The following PDZD2 variants were observed in gnomAD, a reference collection of about 807,000 sequenced individuals.
PDZD2 encodes PDZ domain containing 2.
PDZD2 carries 90 observed loss-of-function variants against 220.7 expected under a neutral mutation model. That is an observed-to-expected ratio of 0.41 (90% CI 0.34 to 0.49). The LOEUF (loss-of-function observed/expected upper bound fraction) is 0.49, where lower values mean the gene tolerates loss of function less well. Ranked by LOEUF, PDZD2 falls within the 20% of genes least tolerant of loss-of-function variation. The pLI is 0.28. For missense variants in PDZD2, 3,174 were observed against 3,608.5 expected (o/e 0.88, Z 3.08); for synonymous variants, 1,375 against 1,450.5 (o/e 0.95, Z 1.18).
intron 1 of PDZD2, among the ~76,000 whole-genome samples, chr5:31,739,484 T>C (rs569921627): frequency 4.5e-4 from 68 of 152,282 alleles, no homozygotes; most frequent in African/African-American, 1.6e-3. Flanking sequence ...TGAAGAATGA[T>C]AATTATATGA....
chr5:32,062,479 G>A lies in PDZD2; in HGVS notation c.2451+1345G>A, dbSNP rs546337342. Among the ~76,000 whole-genome samples the A allele has an allele frequency of 5.4e-5, 8 of 149,004 alleles. No individual in the cohort carries two copies. The South Asian group carries it at 1.3e-3, about 24-fold the overall frequency. On this transcript the variant is annotated intron_variant, in intron 14 of 24. Coordinates refer to ENST00000438447, the MANE Select transcript of PDZD2 (RefSeq NM_178140.4). ...CACAATCATGGCTCACTGCAACCTC[G>A]ACTTCCCGGGTTCCAGCGATCCTCC...
At chr5:32,038,226 G>C (rs1234306248) in intron 7 of PDZD2, among the ~76,000 whole-genome samples, 1 of 148,520 alleles carries the variant, frequency 6.7e-6, no homozygotes, top group Admixed American at 6.7e-5. Flanking sequence ...TTATGGCTGT[G>C]TTGGTATAAA....
chr5:32,087,699 G>T lies in PDZD2; in HGVS notation c.4251G>T (p.Gly1417=), dbSNP rs1418195582. Residue 1417 remains glycine, a synonymous_variant, in exon 20 of 25, where the codon GGG becomes GGT. Transcript: ENST00000438447. The surrounding 1 kb of genome is among the most constrained non-coding windows in gnomAD (Gnocchi z 4.0). ...ATGTCTCGGGGCACTGCTGCCCAGG[G>T]GGGAGTAGAGAGAGCCCTGTGACGG... The part of the protein sequence containing the change: ...CGHVSGHCCP[G]GSRESPVTDI... The T allele has an allele frequency of 1.2e-6, 2 of 1,614,096 alleles. No individual in the cohort carries two copies. The highest frequency in any genetic ancestry group is 2.7e-5 in the African/African-American group (2 of 75,070).
rs551213304 is a variant in PDZD2, at chr5:31,690,503, A to C, written c.-361+51066A>C. Among the ~76,000 whole-genome samples, 10 of 152,260 alleles carry C rather than the reference A, an allele frequency of 6.6e-5. No homozygotes were observed. The South Asian group carries it at 2.1e-3, about 32-fold the overall frequency. ...CCAGTTCTGGAGGCCCAAAGTCTAA[A>C]ATAAAAGCTTTAGCAGAGACACGCT... is the stretch of plus-strand genomic sequence containing the variant. On this transcript the variant is annotated intron_variant, in intron 1 of 24. Transcript: ENST00000438447.
chr5:31,861,635 A>G (rs1737714257), intron 2 of PDZD2, among the ~76,000 whole-genome samples: 1 of 152,184 alleles, frequency 6.6e-6, no homozygotes, highest in Non-Finnish European at 1.5e-5. Flanking sequence ...CTGCTTTTAA[A>G]TGACACAGCA....
rs70957983 is a variant in PDZD2, at chr5:31,925,761, C to CAAA, written c.477-57384_477-57382dup. On this transcript the variant is annotated intron_variant, in intron 2 of 24. Transcript: ENST00000438447. The stretch of plus-strand genomic sequence containing the variant: ...TAAGAAACTTAAACTAGCCAACAAG[C>CAAA]AAAAAAAAAAAAGATAACCCATTTA... Among the ~76,000 whole-genome samples the CAAA allele has an allele frequency of 5.6e-4, 77 of 137,640 alleles. 4 individuals are homozygous for CAAA. The highest frequency in any genetic ancestry group is 6.1e-4 in the Non-Finnish European group (39 of 63,866). The allele number at this position is 137,640 out of a possible 152,430, so 90.3% of individuals were successfully genotyped here.
rs768229328 is a variant in PDZD2 at position 32,052,700 on chromosome 5, G to C, written c.1755G>C (p.Ser585=). The C allele has an allele frequency of 6.2e-7, 1 of 1,614,010 alleles. No individual in the cohort carries two copies. Among genetic ancestry groups the C allele is most frequent in the East Asian group, 2.2e-5 (1 of 44,886 alleles). The change falls in exon 9 of 25, where the codon TCG becomes TCC. Residue 585 remains serine (S), a synonymous_variant. Transcript: ENST00000438447. The part of the protein sequence containing the change: ...PWRLIRPSVI[S]IIGLYKEKGK... ...GGCTCATTCGGCCATCCGTCATCTC[G>C]ATCATTGGGTTGTACAAAGAAAAAG... is the stretch of plus-strand genomic sequence containing the variant.
At chr5:31,885,161 A>AG (rs1183453973) in intron 2 of PDZD2, among the ~76,000 whole-genome samples, 5 of 150,050 alleles carry the variant, frequency 3.3e-5, no homozygotes, top group Non-Finnish European at 7.4e-5. Flanking sequence ...CAAACGGCAA[A>AG]AAAAAAAAAA....
chr5:31,974,106 A>G (rs543111608), intron 2 of PDZD2, among the ~76,000 whole-genome samples: 1 of 152,262 alleles, frequency 6.6e-6, no homozygotes, highest in East Asian at 1.9e-4. Flanking sequence ...TCAGCCTCCC[A>G]AGTAGCTGGG....
chr5:31,673,213 C>G (rs1401821471), intron 1 of PDZD2, among the ~76,000 whole-genome samples: 1 of 152,228 alleles, frequency 6.6e-6, no homozygotes, highest in Non-Finnish European at 1.5e-5. Context: ...CCTCTGACCA[C>G]TGGTTCTGTG....
rs536041314 is a variant in PDZD2, at chr5:31,763,437, C to A, written c.-360-35452C>A. ...CACAAGAAATAAAGAAACTCATGAACCTCAACAAAATAACCACCTACCGCA... is the reference window on the plus strand; with the variant it reads ...CACAAGAAATAAAGAAACTCATGAAACTCAACAAAATAACCACCTACCGCA... On this transcript the variant is annotated intron_variant, in intron 1 of 24. Coordinates refer to ENST00000438447, the MANE Select transcript of PDZD2 (RefSeq NM_178140.4). Among the ~76,000 whole-genome samples, 58 of 152,282 alleles carry A rather than the reference C, an allele frequency of 3.8e-4. 4 individuals are homozygous for A. The South Asian group carries it at 0.012, about 31-fold the overall frequency.
chr5:32,041,341 C>T (rs1326689719), intron 7 of PDZD2, among the ~76,000 whole-genome samples: 15 of 150,842 alleles, frequency 9.9e-5, no homozygotes, highest in African/African-American at 2.2e-4. Flanking sequence ...CCAACAGCTC[C>T]GAAGAGACAG....
chr5:31,761,354 A>G (rs1434688477), intron 1 of PDZD2, among the ~76,000 whole-genome samples: 1 of 152,150 alleles, frequency 6.6e-6, no homozygotes, highest in African/African-American at 2.4e-5. Context: ...GCGGGAGTAG[A>G]GAAATAAAAA....
At chr5:31,855,141 C>G in intron 2 of PDZD2, 1 of 983,668 alleles carries the variant, frequency 1.0e-6, no homozygotes, top group Non-Finnish European at 1.2e-6. Flanking sequence ...CGGAGAGGAA[C>G]CCTCCGAAGG....
chr5:31,652,127 G>A (rs1431717775), intron 1 of PDZD2, among the ~76,000 whole-genome samples: 1 of 141,988 alleles, frequency 7.0e-6, no homozygotes, highest in African/African-American at 2.6e-5. Flanking sequence ...CACTGCGTCT[G>A]GCCTGGGTTT....
At position 32,021,001 on chromosome 5, in the gene PDZD2, C is replaced by CG. The variant is rs1554026671; in HGVS notation, c.1407+10525dup. On this transcript the variant is annotated intron_variant, in intron 6 of 24. Transcript: ENST00000438447. ...AGTTAGATAAATGGGCATTGGGTGCCGGGGGGAAAAAAACCCCACCTTACT... is the reference window on the plus strand; with the variant it reads ...AGTTAGATAAATGGGCATTGGGTGCCGGGGGGGAAAAAAACCCCACCTTACT... 1.5e-4 allele frequency among the ~76,000 whole-genome samples: 22 copies of CG among 150,426 alleles called. No individual in the cohort carries two copies. The East Asian group carries it at 3.1e-3, about 21-fold the overall frequency.
chr5:31,978,546 C>A (rs563593245), intron 2 of PDZD2, among the ~76,000 whole-genome samples: 16 of 151,832 alleles, frequency 1.1e-4, no homozygotes, highest in Non-Finnish European at 4.4e-5. Flanking sequence ...GGTGAAACCC[C>A]GTCTCTACTA....
chr5:32,061,018 C>G lies in PDZD2; in HGVS notation c.2335C>G (p.Leu779Val). ...CCTCCCTAGCCGCGGGGATCAAATCCTGGAAGTGAACTCCGTCAACGTCCG... is the reference window on the plus strand; with the variant it reads ...CCTCCCTAGCCGCGGGGATCAAATCGTGGAAGTGAACTCCGTCAACGTCCG... ...ESNLSRGDQI[L>V]EVNSVNVRHA... Residue 779 changes from leucine to valine, a missense_variant, in exon 14 of 25, where the codon CTG becomes GTG. By Grantham distance (32) the Leu-to-Val change is conservative. Around this residue, in one of 4 missense-constraint regions of PDZD2, gnomAD observed 1,861 missense variants for 2,001.0 expected, o/e 0.93. Coordinates refer to ENST00000438447, the MANE Select transcript of PDZD2 (RefSeq NM_178140.4). 6.2e-7 allele frequency: 1 copy of G among 1,614,162 alleles called. No homozygotes were observed. The highest frequency in any genetic ancestry group is 8.5e-7 in the Non-Finnish European group (1 of 1,180,006).
chr5:31,730,214 A>C (rs1240976847), intron 1 of PDZD2, among the ~76,000 whole-genome samples: 10 of 151,712 alleles, frequency 6.6e-5, no homozygotes, highest in Non-Finnish European at 1.2e-4. Flanking sequence ...AGGAGTAAAA[A>C]CTCTTCGTGC....
Sources: gnomAD v4.1 joint callset for allele counts (sites outside exome capture counted in the v4.1 genomes callset) on GRCh38, gnomAD v4.1.1 for gene constraint, gnomAD v4.1.1 regional missense constraint, Gnocchi (gnomAD v3.1) non-coding constraint, MANE v1.5 for transcripts, NCBI Gene and HGNC (gene_info 2026-07-23, HGNC 2026-07-21) for gene names.